XNDC1N: variants seen among roughly 807,000 people sequenced by gnomAD.
The protein encoded by XNDC1N is XRCC1 N-terminal domain containing 1, N-terminal like.
At chr11:71,885,087 A>C in the XNDC1N span, among the ~76,000 whole-genome samples, 11 of 152,128 alleles carry the variant, frequency 7.2e-5, no homozygotes, top group Non-Finnish European at 1.5e-4. Flanking sequence ...CTGTTTCACA[A>C]ACCGGTGTAC....
the XNDC1N span, chr11:71,914,207 A>C: frequency 2.2e-6 from 1 of 447,378 alleles, no homozygotes; most frequent in Middle Eastern, 3.5e-4. Context: ...TGATGGATCT[A>C]GGAAAGTAAA....
the XNDC1N span, chr11:71,878,639 A>T: frequency 1.1e-6 from 1 of 931,338 alleles, no homozygotes; most frequent in Admixed American, 2.7e-5. Flanking sequence ...TGCTCAGAAG[A>T]TTGAAGAGTT....
the XNDC1N span, among the ~76,000 whole-genome samples, chr11:71,908,813 G>A: frequency 2.6e-5 from 4 of 152,160 alleles, no homozygotes; most frequent in Non-Finnish European, 4.4e-5. Context: ...AGTGGCTAGA[G>A]GAACATGCAC....
chr11:71,907,093 C>T, the XNDC1N span, among the ~76,000 whole-genome samples: 5 of 152,074 alleles, frequency 3.3e-5, no homozygotes, highest in African/African-American at 9.7e-5. Flanking sequence ...ATTAACGTCC[C>T]GCTAGGGTAT....
the XNDC1N span, chr11:71,928,079 G>A: frequency 9.0e-6 from 2 of 222,018 alleles, no homozygotes; most frequent in Non-Finnish European, 1.8e-5. Context: ...GGGTGGGACA[G>A]TGAATGGTGT....
At chr11:71,907,076 C>T in the XNDC1N span, among the ~76,000 whole-genome samples, 1 of 152,108 alleles carries the variant, frequency 6.6e-6, no homozygotes, top group South Asian at 2.1e-4. Flanking sequence ...CACATTGTGA[C>T]ATTATTATTA....
the XNDC1N span, among the ~76,000 whole-genome samples, chr11:71,897,981 A>C: frequency 6.6e-6 from 1 of 152,196 alleles, no homozygotes; most frequent in Non-Finnish European, 1.5e-5. Flanking sequence ...TCAGGAATTC[A>C]AGACCAGCCT....
At chr11:71,921,213 C>T in the XNDC1N span, among the ~76,000 whole-genome samples, 7 of 151,896 alleles carry the variant, frequency 4.6e-5, no homozygotes, top group African/African-American at 1.5e-4. Flanking sequence ...ATAGTGCAGT[C>T]GCATAATCAC....
At chr11:71,899,150 GC>G in the XNDC1N span, among the ~76,000 whole-genome samples, 4 of 152,164 alleles carry the variant, frequency 2.6e-5, no homozygotes, top group Non-Finnish European at 2.9e-5. Flanking sequence ...TGTGCCTTGA[GC>G]CCCCCAGGCC....
At chr11:71,901,837 C>T in the XNDC1N span, among the ~76,000 whole-genome samples, 2 of 151,968 alleles carry the variant, frequency 1.3e-5, no homozygotes, top group African/African-American at 2.4e-5. Flanking sequence ...CGTGGGTGCC[C>T]GCTGCGTGAT....
At chr11:71,885,319 G>A in the XNDC1N span, among the ~76,000 whole-genome samples, 20 of 152,216 alleles carry the variant, frequency 1.3e-4, no homozygotes, top group African/African-American at 3.9e-4. Flanking sequence ...CCAGGATCAT[G>A]GGAACAATAT....
the XNDC1N span, chr11:71,865,537 T>C: frequency 1.9e-5 from 3 of 154,940 alleles, no homozygotes; most frequent in South Asian, 1.9e-4. Flanking sequence ...TTTTTATTTT[T>C]AAGTGAGACA....
chr11:71,901,146 C>T, the XNDC1N span, among the ~76,000 whole-genome samples: 6 of 152,264 alleles, frequency 3.9e-5, no homozygotes, highest in Admixed American at 6.5e-5. Context: ...CGGGGCGCAT[C>T]TCTCCCTTGC....
At chr11:71,893,474 G>T in the XNDC1N span, 8 of 736,004 alleles carry the variant, frequency 1.1e-5, no homozygotes, top group Admixed American at 1.5e-4. Context: ...ACAGAGCCAC[G>T]GAATCTCACA....
chr11:71,904,785 C>A, the XNDC1N span, among the ~76,000 whole-genome samples: 1 of 151,994 alleles, frequency 6.6e-6, no homozygotes, highest in Non-Finnish European at 1.5e-5. Flanking sequence ...AATATCACAG[C>A]AGGTGTACAT....
chr11:71,896,179 T>G, the XNDC1N span, among the ~76,000 whole-genome samples: 1 of 152,202 alleles, frequency 6.6e-6, no homozygotes, highest in Admixed American at 6.5e-5. Flanking sequence ...CTCGGAGGGC[T>G]GAGGCCCAAG....
the XNDC1N span, chr11:71,903,490 T>C: frequency 1.3e-6 from 1 of 755,026 alleles, no homozygotes; most frequent in South Asian, 1.4e-5. Flanking sequence ...CTGACTCAGA[T>C]GTCTCTCTTT....
At chr11:71,890,044 C>T in the XNDC1N span, among the ~76,000 whole-genome samples, 5 of 152,134 alleles carry the variant, frequency 3.3e-5, no homozygotes, top group East Asian at 1.9e-4. Flanking sequence ...TGCAGCCTCC[C>T]GGCCTCAGAG....
chr11:71,905,132 G>T, the XNDC1N span, among the ~76,000 whole-genome samples: 1 of 151,934 alleles, frequency 6.6e-6, no homozygotes, highest in South Asian at 2.1e-4. Flanking sequence ...ATCACAGGAG[G>T]TGTTCACACA....
Sources: allele counts gnomAD v4.1 joint callset (sites outside exome capture counted in the v4.1 genomes callset), GRCh38; gene constraint gnomAD v4.1.1; transcripts MANE v1.5; gene names NCBI Gene and HGNC (gene_info 2026-07-23, HGNC 2026-07-21).